The following RALY variants were observed in gnomAD, a reference collection of about 807,000 sequenced individuals.
RALY encodes RNA-binding protein Raly.
Under a neutral mutation model 30.7 loss-of-function variants are expected in RALY, and 15 were observed. The ratio of observed to expected loss-of-function variants is 0.49; its 90% confidence interval spans 0.33 to 0.75. RALY has a LOEUF of 0.75. RALY is among the 30% of genes least tolerant of loss of function. The pLI, the probability that RALY is intolerant of heterozygous loss-of-function variation, is 0.02. For missense variants in RALY, 339 were observed against 414.3 expected, an observed-to-expected ratio of 0.82 and a Z score of 1.58; for synonymous variants, 177 against 170.8, an observed-to-expected ratio of 1.04 and a Z score of -0.28.
intron 2 of RALY, among the ~76,000 whole-genome samples, chr20:34,049,902 T>A (rs1386198316): frequency 6.6e-6 from 1 of 152,184 alleles, no homozygotes; most frequent in Non-Finnish European, 1.5e-5. Flanking sequence ...ATTATCCCCT[T>A]CCCCTTTTCA....
chr20:34,077,203 C>A lies in RALY; in HGVS notation c.834C>A (p.Asp278Glu). The change falls in exon 8 of 10, where the codon GAC becomes GAA. Residue 278 changes from aspartate to glutamate, a missense_variant. Asp to Glu is a conservative substitution (Grantham distance 45, BLOSUM62 2). Around this residue, in one of 2 missense-constraint regions of RALY, gnomAD observed 268 missense variants for 280.6 expected, o/e 0.95. Coordinates refer to ENST00000246194, the MANE Select transcript of RALY (RefSeq NM_016732.3). ...LPQGEARTRD[D>E]GDEEGLLTHS... is the part of the protein sequence containing the mutation. Reference sequence around the variant, plus strand: ...AGGGGGAAGCACGGACCCGAGACGACGGCGATGAGGAAGGGCTCCTGACAC... The same window carrying A: ...AGGGGGAAGCACGGACCCGAGACGAAGGCGATGAGGAAGGGCTCCTGACAC... 6.2e-7 allele frequency: 1 copy of A among 1,613,778 alleles called. No homozygotes were observed.
rs563884488 is a variant in RALY at position 34,076,212 on chromosome 20, T to TA, written c.544+173dup. The TA allele has an allele frequency of 3.6e-4, 321 of 879,556 alleles. 1 individual carries two copies. The South Asian group carries it at 5.4e-3, about 15-fold the overall frequency. The allele number at this position is 879,556 out of a possible 1,614,324, so 54.5% of individuals were successfully genotyped here. A position where few individuals can be genotyped will look rare whatever the true frequency, so the allele number is the denominator to read the frequency against. ...TTCTAAGAGGAAACAGCTGATGTTT[T>TA]AGGAGGAGGGGTTGTGTTGGGCACA... On this transcript the variant is annotated intron_variant, in intron 6 of 9. Transcript: ENST00000246194.
intron 1 of RALY, among the ~76,000 whole-genome samples, chr20:34,011,043 T>C (rs1386794527): frequency 1.0e-5 from 1 of 96,522 alleles, no homozygotes; most frequent in Non-Finnish European, 2.3e-5. Context: ...GGGGGGGGGG[T>C]TCTCAAACTG....
rs191497732 is a variant in RALY, at chr20:34,008,751, T to C, written c.-93+14620T>C. On this transcript the variant is annotated intron_variant, in intron 1 of 9. Transcript: ENST00000246194. ...ATAGCTCACTGCAGCCTCAAACTCT[T>C]AGGCTTAAGCTATCCTCACGCCTCA... is the stretch of plus-strand genomic sequence containing the variant. 2.4e-3 allele frequency among the ~76,000 whole-genome samples: 361 copies of C among 152,284 alleles called. 1 individual carries two copies. Among genetic ancestry groups the C allele is most frequent in the Middle Eastern group, 0.01 (3 of 294 alleles).
rs773365297 is a variant in RALY at position 34,076,825 on chromosome 20, T to C, written c.658+10T>C. 2 of 1,612,972 alleles carry C rather than the reference T, an allele frequency of 1.2e-6. No individual in the cohort carries two copies. Among genetic ancestry groups the C allele is most frequent in the Middle Eastern group, 1.7e-4 (1 of 5,954 alleles). Reference sequence around the variant, plus strand: ...CAAAAGGCCAATCCAGGTCAGCCTCTGAGGATTCTCACCCACCTCCATGAC... The same window carrying C: ...CAAAAGGCCAATCCAGGTCAGCCTCCGAGGATTCTCACCCACCTCCATGAC... On this transcript the variant is annotated intron_variant, in intron 7 of 9. Transcript: ENST00000246194.
intron 2 of RALY, among the ~76,000 whole-genome samples, chr20:34,035,175 A>AAAAAAAC (rs2032443666): frequency 2.2e-5 from 3 of 138,792 alleles, no homozygotes; most frequent in Non-Finnish European, 4.6e-5. Flanking sequence ...AAAAAAAAAA[A>AAAAAAAC]AAAAAAAAAA....
At chr20:34,022,078 C>T (rs6088377) in intron 1 of RALY, among the ~76,000 whole-genome samples, 13,437 of 147,316 alleles carry the variant, frequency 0.091, 698 homozygotes, top group African/African-American at 0.14. Context: ...TTCCTTTTTT[C>T]TTTCTTTCTT....
At chr20:34,072,461 G>A in intron 3 of RALY, 131 bp downstream of exon 3, 2 of 1,266,236 alleles carry the variant, frequency 1.6e-6, no homozygotes, top group Non-Finnish European at 2.1e-6. Context: ...TATAAGCTAT[G>A]TTTAAGTTTT....
intron 2 of RALY, among the ~76,000 whole-genome samples, chr20:34,032,062 A>G (rs1454313129): frequency 6.6e-6 from 1 of 152,192 alleles, no homozygotes; most frequent in Admixed American, 6.5e-5. Flanking sequence ...TCCCGGGTTC[A>G]AGCAATTCTC....
intron 9 of RALY, among the ~76,000 whole-genome samples, chr20:34,079,075 G>A (rs944569989): frequency 5.9e-5 from 9 of 152,192 alleles, no homozygotes; most frequent in Admixed American, 4.6e-4. Flanking sequence ...AGTTGGTAGA[G>A]GACTCTGCTT....
chr20:34,003,729 T>C (rs2031031711), intron 1 of RALY, among the ~76,000 whole-genome samples: 1 of 133,842 alleles, frequency 7.5e-6, no homozygotes, highest in Non-Finnish European at 1.5e-5. Context: ...AAGCTCCGCC[T>C]CCCGGGTTCA....
At chr20:34,071,649 A>G (rs2033731166) in intron 2 of RALY, among the ~76,000 whole-genome samples, 2 of 152,114 alleles carry the variant, frequency 1.3e-5, no homozygotes, top group South Asian at 2.1e-4. Flanking sequence ...CCATGGTTCT[A>G]CATTGAAGAT....
chr20:34,003,019 G>A (rs1012935633), intron 1 of RALY, among the ~76,000 whole-genome samples: 1 of 152,102 alleles, frequency 6.6e-6, no homozygotes, highest in East Asian at 1.9e-4. Flanking sequence ...ACTGCCAGCC[G>A]CCTTTGAACA....
intron 2 of RALY, among the ~76,000 whole-genome samples, chr20:34,062,122 C>T (rs1429230621): frequency 6.6e-6 from 1 of 151,864 alleles, no homozygotes; most frequent in African/African-American, 2.4e-5. Context: ...GCTAGATAGG[C>T]CTGGCATATC....
intron 2 of RALY, among the ~76,000 whole-genome samples, chr20:34,068,642 G>C (rs1034143679): frequency 6.6e-6 from 1 of 152,210 alleles, no homozygotes; most frequent in African/African-American, 2.4e-5. Context: ...TGAAGGTTCT[G>C]AATGAAGCTA....
chr20:33,999,992 C>T (rs926513151), intron 1 of RALY, among the ~76,000 whole-genome samples: 1 of 152,034 alleles, frequency 6.6e-6, no homozygotes, highest in African/African-American at 2.4e-5. Context: ...TTCTTCTCCC[C>T]CTTCTTAGTT....
chr20:34,035,178 A>AC (rs1407828363), intron 2 of RALY, among the ~76,000 whole-genome samples: 24 of 142,580 alleles, frequency 1.7e-4, no homozygotes, highest in African/African-American at 6.0e-4. Context: ...AAAAAAAAAA[A>AC]AAAAAAAAAC....
At chr20:34,014,100 A>G (rs1487710201) in intron 1 of RALY, among the ~76,000 whole-genome samples, 1 of 152,222 alleles carries the variant, frequency 6.6e-6, no homozygotes, top group Admixed American at 6.5e-5. Flanking sequence ...ATTTGAACAG[A>G]TTAAGTTTGC....
At chr20:33,999,278 G>A (rs2030797411) in intron 1 of RALY, among the ~76,000 whole-genome samples, 1 of 152,136 alleles carries the variant, frequency 6.6e-6, no homozygotes, top group African/African-American at 2.4e-5. Flanking sequence ...GAGGACACAG[G>A]AGAAGAAGGA....
Sources: gnomAD v4.1 joint callset for allele counts (sites outside exome capture counted in the v4.1 genomes callset) on GRCh38, gnomAD v4.1.1 for gene constraint, gnomAD v4.1.1 regional missense constraint, MANE v1.5 for transcripts, NCBI Gene and HGNC (gene_info 2026-07-23, HGNC 2026-07-21) for gene names.